TAF2: variants seen among roughly 807,000 people sequenced by gnomAD.
The protein encoded by TAF2 is TATA-box binding protein associated factor 2, also known as transcription initiation factor TFIID subunit 2.
In TAF2, 61 loss-of-function variants were observed where a neutral mutation model predicts 138.5. That is an observed-to-expected ratio of 0.44 (90% confidence interval 0.36 to 0.54). The LOEUF (loss-of-function observed/expected upper bound fraction) is 0.54. TAF2 is among the 20% of genes least tolerant of loss of function. The probability of loss-of-function intolerance (pLI) is 0.00; values close to 1 mark genes in which losing one functional copy is unlikely to be tolerated. For synonymous variants in TAF2, 475 were observed against 469.9 expected (o/e 1.01, Z -0.14); for missense variants, 1,090 against 1,427.9 (o/e 0.76, Z 3.81).
intron 6 of TAF2, among the ~76,000 whole-genome samples, chr8:119,798,069 G>C (rs1340058913): frequency 6.6e-6 from 1 of 152,100 alleles, no homozygotes; most frequent in Non-Finnish European, 1.5e-5. Flanking sequence ...TTATAAGTCT[G>C]TGGAATGCTC....
rs116126825 is a variant in TAF2 at position 119,799,560 on chromosome 8, G to A, written c.793-1714C>T. Among the ~76,000 whole-genome samples, 1,451 of 151,964 alleles carry A rather than the reference G, an allele frequency of 9.5e-3. 16 individuals are homozygous for A. Among genetic ancestry groups the A allele is most frequent in the African/African-American group, 0.033 (1,369 of 41,504 alleles). On this transcript the variant is annotated intron_variant, in intron 6 of 25. Coordinates refer to ENST00000378164, the MANE Select transcript of TAF2 (RefSeq NM_003184.4). Reference sequence around the variant, plus strand: ...TTCTTAATCCAGCCTATCACTGATGGACTGGGTTGGTTCCAAGTCTTTGCT... The same window carrying A: ...TTCTTAATCCAGCCTATCACTGATGAACTGGGTTGGTTCCAAGTCTTTGCT...
intron 25 of TAF2, among the ~76,000 whole-genome samples, chr8:119,740,028 TAG>T (rs1456112200): frequency 6.6e-6 from 1 of 152,116 alleles, no homozygotes; most frequent in Non-Finnish European, 1.5e-5. Flanking sequence ...CTAGAATCCC[TAG>T]AGACTGAAGA....
In TAF2 at chr8:119,816,137, G is replaced by A. The variant is rs1395537209; in HGVS notation, c.299+3209C>T. On this transcript the variant is annotated intron_variant, in intron 3 of 25. Transcript: ENST00000378164. Reference sequence around the variant, plus strand: ...GCGATCTCGGCTCACTGCAAGCTCCGCCTCCCAGGTTCACGCCATTCTCCT... The same window carrying A: ...GCGATCTCGGCTCACTGCAAGCTCCACCTCCCAGGTTCACGCCATTCTCCT... Among the ~76,000 whole-genome samples, 26 of 146,228 alleles carry A rather than the reference G, an allele frequency of 1.8e-4. 1 individual carries two copies. The East Asian group carries it at 4.9e-3, about 28-fold the overall frequency.
intron 3 of TAF2, among the ~76,000 whole-genome samples, chr8:119,811,225 GA>G (rs1825031391): frequency 6.6e-6 from 1 of 151,952 alleles, no homozygotes; most frequent in South Asian, 2.1e-4. Context: ...TTTTCTCTAA[GA>G]ATTTTAAATA....
chr8:119,768,820 C>G (rs1258258101), intron 18 of TAF2, among the ~76,000 whole-genome samples: 2 of 152,188 alleles, frequency 1.3e-5, no homozygotes, highest in African/African-American at 2.4e-5. Context: ...ACAGAGCTGT[C>G]TGTATTGGGC....
At chr8:119,795,285 C>CTA (rs1823745399) in intron 9 of TAF2, among the ~76,000 whole-genome samples, 1 of 152,088 alleles carries the variant, frequency 6.6e-6, no homozygotes. Flanking sequence ...CTGGGACATA[C>CTA]CTAACGACCA....
chr8:119,746,684 T>C (rs372760110), intron 23 of TAF2, 21 bp downstream of exon 23: 4 of 1,609,404 alleles, frequency 2.5e-6, no homozygotes, highest in South Asian at 2.2e-5. Flanking sequence ...CTACGTCTTC[T>C]GTAATACATG....
In TAF2 at chr8:119,746,766, C is replaced by T. The variant is rs1301033155; in HGVS notation, c.3047G>A (p.Gly1016Asp). 6.2e-7 allele frequency: 1 copy of T among 1,613,998 alleles called. No homozygotes were observed. The highest frequency in any genetic ancestry group is 2.2e-5 in the East Asian group (1 of 44,888). The change falls in exon 23 of 26, where the codon GGC becomes GAC. Residue 1016 changes from glycine to aspartate, a missense_variant. Physicochemically the swap from Gly to Asp is moderately conservative, Grantham distance 94 (BLOSUM62 -1). This residue lies in a region of TAF2 where 580 missense variants were observed against 719.6 expected (regional missense o/e 0.81). Coordinates refer to ENST00000378164, the MANE Select transcript of TAF2 (RefSeq NM_003184.4). Reference protein sequence around the residue: ...NPTIIPESVAGNQEAANNPSS... With the variant: ...NPTIIPESVADNQEAANNPSS... ...TGGATTATTTGCAGCTTCTTGGTTG[C>T]CTGCTACTGACTCTGGAATTATGGT...
chr8:119,806,376 C>T lies in TAF2; in HGVS notation c.325G>A (p.Ala109Thr). The T allele has an allele frequency of 6.2e-7, 1 of 1,613,418 alleles. No individual in the cohort carries two copies. The highest frequency in any genetic ancestry group is 8.5e-7 in the Non-Finnish European group (1 of 1,179,816). ...ACAGCACTAACTGCAGCTGCATAAGCATTGGAAAAATAATTGAGGTTTCTC... is the reference window on the plus strand; with the variant it reads ...ACAGCACTAACTGCAGCTGCATAAGTATTGGAAAAATAATTGAGGTTTCTC... ...KQRNLNYFSN[A>T]YAAAVSAVDP... The change falls in exon 4 of 26, where the codon GCT becomes ACT. Residue 109 changes from alanine to threonine, a missense_variant. By Grantham distance (58) the Ala-to-Thr change is moderately conservative. Coordinates refer to ENST00000378164, the MANE Select transcript of TAF2 (RefSeq NM_003184.4).
chr8:119,825,842 G>A (rs1826061642), intron 2 of TAF2, among the ~76,000 whole-genome samples: 1 of 135,754 alleles, frequency 7.4e-6, no homozygotes, highest in South Asian at 2.5e-4. Context: ...CCACCGCCAC[G>A]CCTGGCTAAT....
At chr8:119,742,141 T>C (rs1359739263) in intron 25 of TAF2, among the ~76,000 whole-genome samples, 1 of 152,244 alleles carries the variant, frequency 6.6e-6, no homozygotes, top group African/African-American at 2.4e-5. Context: ...ATCTTTTTTA[T>C]AAAGGTACAA....
chr8:119,757,431 T>C (rs1285008561), intron 21 of TAF2, among the ~76,000 whole-genome samples: 4 of 152,162 alleles, frequency 2.6e-5, no homozygotes, highest in African/African-American at 7.2e-5. Flanking sequence ...ATCAGTATTA[T>C]AGGTAAATAA....
chr8:119,775,652 G>A (rs373667891), intron 18 of TAF2, among the ~76,000 whole-genome samples: 7 of 152,086 alleles, frequency 4.6e-5, no homozygotes, highest in East Asian at 3.9e-4. Flanking sequence ...GCAGTGCACC[G>A]AGATCACGCC....
chr8:119,736,101 AC>A (rs1366191772), intron 25 of TAF2, among the ~76,000 whole-genome samples: 1 of 152,220 alleles, frequency 6.6e-6, no homozygotes, highest in Non-Finnish European at 1.5e-5. Context: ...TGGAACCTGT[AC>A]TTCTCAGCAC....
intron 25 of TAF2, among the ~76,000 whole-genome samples, chr8:119,737,966 A>G (rs1384225088): frequency 6.6e-6 from 1 of 152,158 alleles, no homozygotes. Context: ...ATTGGCAGTA[A>G]CAGGAGAACA....
intron 19 of TAF2, chr8:119,761,493 A>C (rs1170855751): frequency 6.6e-6 from 1 of 152,154 alleles, no homozygotes; most frequent in African/African-American, 2.4e-5. Flanking sequence ...TTAATATCTA[A>C]AGTCTGTTAA....
intron 15 of TAF2, among the ~76,000 whole-genome samples, chr8:119,784,955 T>C (rs1242133176): frequency 6.6e-6 from 1 of 152,192 alleles, no homozygotes; most frequent in Non-Finnish European, 1.5e-5. Context: ...CTAGTCAAAG[T>C]TGTGCTCACC....
intron 22 of TAF2, among the ~76,000 whole-genome samples, chr8:119,752,106 TA>T (rs1418620042): frequency 6.6e-6 from 1 of 151,968 alleles, no homozygotes; most frequent in African/African-American, 2.4e-5. Context: ...GAAAAGGAGA[TA>T]AAGTAAATGG....
chr8:119,815,176 G>T (rs1176565760), intron 3 of TAF2, among the ~76,000 whole-genome samples: 2 of 151,846 alleles, frequency 1.3e-5, no homozygotes, highest in Non-Finnish European at 2.9e-5. Flanking sequence ...CAGCTACTCG[G>T]GAGGGTGAGG....
Sources: allele counts gnomAD v4.1 joint callset (sites outside exome capture counted in the v4.1 genomes callset), GRCh38; gene constraint gnomAD v4.1.1; regional missense constraint gnomAD v4.1.1; transcripts MANE v1.5; gene names NCBI Gene and HGNC (gene_info 2026-07-23, HGNC 2026-07-21).